SRSF7: variants seen among roughly 807,000 people sequenced by gnomAD.
SRSF7 encodes serine/arginine-rich splicing factor 7.
SRSF7 carries 15 observed loss-of-function variants against 42.2 expected under a neutral mutation model. The ratio of observed to expected loss-of-function variants is 0.36; its 90% CI spans 0.24 to 0.55. The LOEUF (loss-of-function observed/expected upper bound fraction) is 0.55, where lower values mean the gene tolerates loss of function less well. Among genes scored for constraint, SRSF7 ranks in the 20% least tolerant of loss-of-function variants. The pLI, the probability that SRSF7 is intolerant of heterozygous loss-of-function variation, is 0.88. For synonymous variants in SRSF7, 138 were observed against 107.9 expected (o/e 1.28, Z -1.73); for missense variants, 181 against 305.9 (o/e 0.59, Z 3.04).
intron 2 of SRSF7, 104 bp downstream of exon 2, chr2:38,749,910 T>C: frequency 2.2e-6 from 3 of 1,342,030 alleles, no homozygotes; most frequent in Non-Finnish European, 2.0e-6. Context: ...TATGACCAGC[T>C]ATTTAAGGTC....
At chr2:38,746,868 C>A in intron 5 of SRSF7, 121 bp from the exon 6 acceptor site, 2 of 1,496,176 alleles carry the variant, frequency 1.3e-6, no homozygotes, top group Admixed American at 2.2e-5. Flanking sequence ...AGATGCAACA[C>A]TTGCCTTATT....
chr2:38,750,286 G>C (rs561185553), intron 1 of SRSF7, 92 bp from the exon 2 acceptor site: 1 of 1,229,538 alleles, frequency 8.1e-7, no homozygotes, highest in Non-Finnish European at 1.1e-6. Context: ...CCATCCTCAA[G>C]ATTGGGTAAA....
chr2:38,750,694 A>G (rs1558614116), intron 1 of SRSF7: 1 of 38,958 alleles, frequency 2.6e-5, no homozygotes. Context: ...GGAAATAACT[A>G]AAAAAAACCC....
rs1023513642 is a variant in SRSF7 at position 38,750,344 on chromosome 2, G to A, written c.29-150C>T. The A allele has an allele frequency of 1.1e-5, 7 of 622,814 alleles. No homozygotes were observed. The Middle Eastern group carries it at 1.1e-3, about 99-fold the overall frequency. The allele number at this position is 622,814 out of a possible 1,614,324, so 38.6% of individuals were successfully genotyped here. ...AAGACAAAACTTAGTCGTAAAACTG[G>A]TGAAAGTCCGCAAATCCCTGAGAAA... is the stretch of plus-strand genomic sequence containing the variant. On this transcript the variant is annotated intron_variant, in intron 1 of 7. Transcript: ENST00000313117.
At chr2:38,751,038 C>A in intron 1 of SRSF7, 191 bp downstream of exon 1, 1 of 669,020 alleles carries the variant, frequency 1.5e-6, no homozygotes, top group African/African-American at 1.8e-5. Context: ...CGGAACTCGG[C>A]AGAGATGTAC....
chr2:38,751,273 GCTCGGCTCTTTAGCAA>G lies in SRSF7; in HGVS notation c.-33_-18del. On this transcript the variant is annotated 5_prime_UTR_variant, in exon 1 of 8. Coordinates refer to ENST00000313117, the MANE Select transcript of SRSF7 (RefSeq NM_001031684.3). ...ACGCGACATGATGACAGACCCGCGTGCTCGGCTCTTTAGCAAGCAGCGCCCAGGGCTCGAGTGACGC... is the reference window on the plus strand; with the variant it reads ...ACGCGACATGATGACAGACCCGCGTGGCAGCGCCCAGGGCTCGAGTGACGC... 50 of 1,614,012 alleles carry G rather than the reference GCTCGGCTCTTTAGCAA, an allele frequency of 3.1e-5. No homozygotes were observed. Among genetic ancestry groups the G allele is most frequent in the Non-Finnish European group, 4.0e-5 (47 of 1,180,004 alleles).
intron 2 of SRSF7, 84 bp downstream of exon 2, chr2:38,749,930 C>G: frequency 6.9e-7 from 1 of 1,457,952 alleles, no homozygotes; most frequent in Non-Finnish European, 9.2e-7. Flanking sequence ...CTCTTCCAGA[C>G]TTCAGAATCC....
At chr2:38,749,875 T>C (rs970361210) in intron 2 of SRSF7, 139 bp downstream of exon 2, 5 of 1,248,374 alleles carry the variant, frequency 4.0e-6, no homozygotes, top group Middle Eastern at 2.8e-4. Context: ...TTCTTTAACC[T>C]TCGTGTGCCT....
Position 38,744,523 on chromosome 2 carries a change from T to C in SRSF7, c.*610A>G. ...ATGTTTCTATTTCTCATACATTTAA[T>C]CAGTTTCGTTTAGTTCCTGTCATGC... On this transcript the variant is annotated 3_prime_UTR_variant, in exon 8 of 8. Coordinates refer to ENST00000313117, the MANE Select transcript of SRSF7 (RefSeq NM_001031684.3). 6.6e-6 allele frequency: 1 copy of C among 152,204 alleles called. No homozygotes were observed. Among genetic ancestry groups the C allele is most frequent in the Non-Finnish European group, 1.5e-5 (1 of 68,048 alleles). 9.4% of individuals were successfully genotyped at this position (152,204 alleles called of 1,614,324 possible). A position where few individuals can be genotyped will look rare whatever the true frequency, so the allele number is the denominator to read the frequency against.
Position 38,746,153 on chromosome 2 carries a change from G to C in SRSF7, c.653C>G (p.Pro218Arg). ...AAAACATTTAGCTTACCTTCTTTTT[G>C]GAGATGGAGATCTGGACTTTGATCG... The part of the protein sequence containing the change: ...SSRSKSRSPS[P>R]KRSRSPSGSP... The change falls in exon 7 of 8, where the codon CCA becomes CGA. Residue 218 changes from proline (P) to arginine (R), a missense_variant. Around this residue, in one of 2 missense-constraint regions of SRSF7, gnomAD observed 136 missense variants for 147.8 expected, o/e 0.92. Transcript: ENST00000313117. 2.5e-6 allele frequency: 4 copies of C among 1,614,076 alleles called. No homozygotes were observed. The highest frequency in any genetic ancestry group is 3.4e-6 in the Non-Finnish European group (4 of 1,179,996).
At chr2:38,751,117 G>C in intron 1 of SRSF7, 112 bp downstream of exon 1, 3 of 1,439,752 alleles carry the variant, frequency 2.1e-6, no homozygotes, top group Non-Finnish European at 2.9e-6. Context: ...GTGCTCCTAA[G>C]CCGCCATTAC....
rs767034517 is a variant in SRSF7 at position 38,748,171 on chromosome 2, C to G, written c.462-14G>C. The G allele has an allele frequency of 2.5e-6, 4 of 1,579,604 alleles. No homozygotes were observed. The East Asian group carries it at 6.7e-5, about 27-fold the overall frequency. Reference sequence around the variant, plus strand: ...GCTGACCTTGACCTAAAATAAAGAACTTTAAGTCCATCTCCACAGTTTTTT... The same window carrying G: ...GCTGACCTTGACCTAAAATAAAGAAGTTTAAGTCCATCTCCACAGTTTTTT... On this transcript the variant is annotated splice_polypyrimidine_tract_variant and intron_variant, in intron 4 of 7. Transcript: ENST00000313117.
At chr2:38,749,052 G>T in intron 3 of SRSF7, 1 of 1,305,918 alleles carries the variant, frequency 7.7e-7, no homozygotes, top group Non-Finnish European at 1.0e-6. Flanking sequence ...CTTGATTGAC[G>T]CAAGAAGATT....
At position 38,751,062 on chromosome 2, in the gene SRSF7, T is replaced by G. The variant is rs563220780; in HGVS notation, c.28+167A>C. 68 of 799,736 alleles carry G rather than the reference T, an allele frequency of 8.5e-5. No individual in the cohort carries two copies. The African/African-American group carries it at 1.1e-3, about 13-fold the overall frequency. 49.5% of individuals were successfully genotyped at this position (799,736 alleles called of 1,614,324 possible). On this transcript the variant is annotated intron_variant, in intron 1 of 7. Coordinates refer to ENST00000313117, the MANE Select transcript of SRSF7 (RefSeq NM_001031684.3). ...GCAGAGATGTACACCCGCCATCCCGTCTCCCTTCAGCACCCCGCCTCCGCT... is the reference window on the plus strand; with the variant it reads ...GCAGAGATGTACACCCGCCATCCCGGCTCCCTTCAGCACCCCGCCTCCGCT...
At chr2:38,749,882 G>T in intron 2 of SRSF7, 132 bp downstream of exon 2, 1 of 1,262,260 alleles carries the variant, frequency 7.9e-7, no homozygotes, top group Non-Finnish European at 1.1e-6. Flanking sequence ...ACCTTCGTGT[G>T]CCTTTAGCAT....
intron 2 of SRSF7, 121 bp from the exon 3 acceptor site, chr2:38,749,826 T>C (rs2148493151): frequency 7.6e-7 from 1 of 1,308,422 alleles, no homozygotes; most frequent in East Asian, 2.6e-5. Context: ...CAACAAACTT[T>C]GGCGGTCTTT....
In SRSF7 at chr2:38,745,090, T is replaced by C; in HGVS notation, c.*43A>G. On this transcript the variant is annotated 3_prime_UTR_variant, in exon 8 of 8. Transcript: ENST00000313117. ...AGACATCACAAATCCCTTATAATAA[T>C]GTAAACAAAATAACTTTTCCCTAAA... 12 of 1,598,876 alleles carry C rather than the reference T, an allele frequency of 7.5e-6. No homozygotes were observed. Among genetic ancestry groups the C allele is most frequent in the Non-Finnish European group, 1.0e-5 (12 of 1,167,070 alleles).
In SRSF7 at chr2:38,751,346, G is replaced by C; in HGVS notation, c.-90C>G. The C allele has an allele frequency of 1.1e-5, 18 of 1,583,690 alleles. No individual in the cohort carries two copies. The highest frequency in any genetic ancestry group is 1.7e-4 in the Middle Eastern group (1 of 6,004). On this transcript the variant is annotated 5_prime_UTR_variant, in exon 1 of 8. Transcript: ENST00000313117. ...TGACACACACCTTCACCCGCCAAGA[G>C]TCCCGGCGGCACTACGAGGAAGAGC...
intron 1 of SRSF7, chr2:38,750,804 A>G (rs1486229829): frequency 1.9e-5 from 4 of 205,746 alleles, no homozygotes; most frequent in Admixed American, 1.6e-4. Context: ...GTTCTATCTC[A>G]AACACAACCA....
Sources: gnomAD v4.1 joint callset for allele counts on GRCh38, gnomAD v4.1.1 for gene constraint, gnomAD v4.1.1 regional missense constraint, MANE v1.5 for transcripts, NCBI Gene and HGNC (gene_info 2026-07-23, HGNC 2026-07-21) for gene names.